The following YIF1B variants were observed in gnomAD, a reference collection of about 807,000 sequenced individuals.
YIF1B encodes the protein protein YIF1B.
Under a neutral mutation model 34.6 loss-of-function variants are expected in YIF1B, and 24 were observed. The ratio of observed to expected loss-of-function variants is 0.69; its 90% CI spans 0.50 to 0.98. YIF1B has a LOEUF of 0.98. Among genes scored for constraint, YIF1B ranks in the 50% least tolerant of loss-of-function variants. YIF1B has a pLI of 0.00. For missense variants in YIF1B, 368 were observed against 429.4 expected, an observed-to-expected ratio of 0.86 and a Z score of 1.26; for synonymous variants, 186 against 184.8, an observed-to-expected ratio of 1.01 and a Z score of -0.05.
Position 38,309,021 on chromosome 19 carries a change from C to G in YIF1B, c.439G>C (p.Ala147Pro). 5 of 1,564,350 alleles carry G rather than the reference C, an allele frequency of 3.2e-6. No homozygotes were observed. Among genetic ancestry groups the G allele is most frequent in the Middle Eastern group, 1.7e-4 (1 of 5,858 alleles). Reference sequence around the variant, plus strand: ...GGGGCATTGACGTCAAAGCGGGGGGCCACCGGGGTGTCCTGTTGGTACTGC... The same window carrying G: ...GGGGCATTGACGTCAAAGCGGGGGGGCACCGGGGTGTCCTGTTGGTACTGC... ...EVQYQQDTPV[A>P]PRFDVNAPDL... is the part of the protein sequence containing the mutation. The change falls in exon 4 of 8, where the codon GCC (alanine) becomes CCC (proline). Residue 147 changes from alanine (A) to proline (P), a missense_variant. Physicochemically the swap from Ala to Pro is conservative, Grantham distance 27. This residue lies in a region of YIF1B where 208 missense variants were observed against 247.8 expected (regional missense o/e 0.84). Coordinates refer to ENST00000339413, the MANE Select transcript of YIF1B (RefSeq NM_001039672.3).
chr19:38,305,631 GC>G, intron 7 of YIF1B, 124 bp from the exon 8 acceptor site: 1 of 1,330,870 alleles, frequency 7.5e-7, no homozygotes, highest in Non-Finnish European at 1.0e-6. Flanking sequence ...CAAGTCCCTG[GC>G]CCTCTGCAGC....
chr19:38,319,816 T>TTTTTCC, upstream of YIF1B: 3 of 929,530 alleles, frequency 3.2e-6, no homozygotes. Context: ...CCACCTCCCC[T>TTTTTCC]TTTTCCTCTT....
chr19:38,315,589 G>A, intron 1 of YIF1B: 1 of 1,499,192 alleles, frequency 6.7e-7, no homozygotes, highest in Non-Finnish European at 8.9e-7. Context: ...TGGGGAGCAG[G>A]GAAGGGCGGA....
At chr19:38,308,893 C>G (rs374974658) in intron 4 of YIF1B, 44 bp from the exon 5 acceptor site, 81 of 1,613,604 alleles carry the variant, frequency 5.0e-5, no homozygotes, top group Non-Finnish European at 6.2e-5. Flanking sequence ...AGAGGAAGAA[C>G]TGCCCTGGGC....
upstream of YIF1B, chr19:38,320,247 C>T (rs778607549): frequency 1.0e-5 from 16 of 1,606,230 alleles, no homozygotes; most frequent in African/African-American, 2.7e-5. Context: ...CTCTCTTCTT[C>T]GCCAGCACGC....
In YIF1B at chr19:38,305,312, C is replaced by T; in HGVS notation, c.*40G>A. ...ATGAGTTCGGCGGCCACAGTGGCCC[C>T]CAGCAGCAGCAGCAGCAGCGGGAGG... is the stretch of plus-strand genomic sequence containing the variant. On this transcript the variant is annotated 3_prime_UTR_variant, in exon 8 of 8. Coordinates refer to ENST00000339413, the MANE Select transcript of YIF1B (RefSeq NM_001039672.3). The T allele has an allele frequency of 1.3e-6, 2 of 1,581,308 alleles. No individual in the cohort carries two copies. Among genetic ancestry groups the T allele is most frequent in the Non-Finnish European group, 1.7e-6 (2 of 1,161,322 alleles).
chr19:38,319,992 C>T (rs1969628150), upstream of YIF1B: 1 of 1,476,064 alleles, frequency 6.8e-7, no homozygotes, highest in Non-Finnish European at 8.9e-7. Flanking sequence ...TGGCCGCGTA[C>T]GCCGCGTACC....
Position 38,305,009 on chromosome 19 carries a change from C to T in YIF1B, c.*343G>A, listed in dbSNP as rs772107263. 6.4e-7 allele frequency: 1 copy of T among 1,558,908 alleles called. No homozygotes were observed. The highest frequency in any genetic ancestry group is 1.2e-5 in the South Asian group (1 of 85,328). On this transcript the variant is annotated 3_prime_UTR_variant, in exon 8 of 8. Transcript: ENST00000339413. ...ATTAAACCTTCCTCTCTGCCTTCTG[C>T]GACTGGTCAGCGTGGTGCCTACTCT...
upstream of YIF1B, among the ~76,000 whole-genome samples, chr19:38,318,193 CAAAAAAAA>C (rs35748833): frequency 6.0e-3 from 180 of 29,902 alleles, 4 homozygotes; most frequent in Admixed American, 0.029. Context: ...ACTCTTGTCT[CAAAAAAAA>C]AAAAAAAAAA....
chr19:38,310,187 C>CCCATCCAT (rs534098336), intron 1 of YIF1B, among the ~76,000 whole-genome samples: 2 of 143,704 alleles, frequency 1.4e-5, no homozygotes, highest in Non-Finnish European at 3.0e-5. Flanking sequence ...CATCCATCCA[C>CCCATCCAT]CCATCCATCC....
chr19:38,313,744 C>T (rs1969419683), intron 1 of YIF1B, among the ~76,000 whole-genome samples: 1 of 152,256 alleles, frequency 6.6e-6, no homozygotes, highest in African/African-American at 2.4e-5. Context: ...TTTCAGGCCC[C>T]GACTCTGCCA....
upstream of YIF1B, chr19:38,320,103 C>T: frequency 4.5e-6 from 7 of 1,565,564 alleles, no homozygotes; most frequent in Middle Eastern, 1.8e-4. Flanking sequence ...TTCAGCGCAG[C>T]CCGTGTGTGG....
upstream of YIF1B, chr19:38,320,308 C>T (rs754881115): frequency 1.0e-5 from 16 of 1,599,576 alleles, no homozygotes; most frequent in Non-Finnish European, 1.4e-5. Flanking sequence ...GGCGAGGACC[C>T]GGGATCCCCA....
intron 1 of YIF1B, chr19:38,315,646 C>T (rs186851655): frequency 3.8e-6 from 6 of 1,564,544 alleles, no homozygotes; most frequent in Admixed American, 3.8e-5. Context: ...GCATATCGCA[C>T]GCTATCCAGT....
In YIF1B at chr19:38,305,002, C is replaced by T. The variant is rs748256376; in HGVS notation, c.*350G>A. 1.3e-6 allele frequency: 2 copies of T among 1,563,060 alleles called. No individual in the cohort carries two copies. On this transcript the variant is annotated 3_prime_UTR_variant, in exon 8 of 8. Transcript: ENST00000339413. ...AGGGCTCATTAAACCTTCCTCTCTGCCTTCTGCGACTGGTCAGCGTGGTGC... is the reference window on the plus strand; with the variant it reads ...AGGGCTCATTAAACCTTCCTCTCTGTCTTCTGCGACTGGTCAGCGTGGTGC...
upstream of YIF1B, chr19:38,316,010 C>A: frequency 7.4e-7 from 1 of 1,353,726 alleles, no homozygotes. Flanking sequence ...CAATGGACGT[C>A]AGGATTGAGG....
intron 7 of YIF1B, chr19:38,307,113 C>T: frequency 2.0e-6 from 1 of 497,778 alleles, no homozygotes; most frequent in Admixed American, 2.8e-5. Context: ...TCTAGAGAAT[C>T]TCCTTCCAGG....
At chr19:38,319,845 G>C, upstream of YIF1B, 4 of 1,140,824 alleles carry the variant, frequency 3.5e-6, no homozygotes, top group Non-Finnish European at 4.6e-6. Context: ...GGCATCTGCT[G>C]CCGCGCCTGT....
chr19:38,309,805 C>T (rs760304836), intron 1 of YIF1B, 162 bp from the exon 2 acceptor site: 202 of 1,432,664 alleles, frequency 1.4e-4, no homozygotes, highest in Non-Finnish European at 1.5e-4. Context: ...GGTGCAAGCT[C>T]TGCCATTCAT....
Sources: gnomAD v4.1 joint callset for allele counts (sites outside exome capture counted in the v4.1 genomes callset) on GRCh38, gnomAD v4.1.1 for gene constraint, gnomAD v4.1.1 regional missense constraint, MANE v1.5 for transcripts, NCBI Gene and HGNC (gene_info 2026-07-23, HGNC 2026-07-21) for gene names.